The following TPD52L1 variants were observed in gnomAD, a reference collection of about 807,000 sequenced individuals.
TPD52L1 encodes TPD52 like 1, also known as tumor protein D53.
A neutral mutation model predicts 28.7 loss-of-function variants in TPD52L1; 18 were observed. The ratio of observed to expected loss-of-function variants is 0.63; its 90% confidence interval spans 0.43 to 0.93. TPD52L1 has a LOEUF of 0.93. Among genes scored for constraint, TPD52L1 ranks in the 40% least tolerant of loss-of-function variants. The pLI, the probability that TPD52L1 is intolerant of heterozygous loss-of-function variation, is 0.00. For missense variants in TPD52L1, 203 were observed against 254.8 expected (o/e 0.80, Z 1.39); for synonymous variants, 75 against 88.8 (o/e 0.84, Z 0.88).
intron 3 of TPD52L1, among the ~76,000 whole-genome samples, chr6:125,247,592 C>T (rs145496780): frequency 1.8e-4 from 28 of 152,280 alleles, no homozygotes; most frequent in African/African-American, 6.7e-4. Flanking sequence ...ACTCGTTCAT[C>T]TACTATTTAT....
chr6:125,173,371 A>G (rs1421532732), intron 1 of TPD52L1, among the ~76,000 whole-genome samples: 1 of 152,074 alleles, frequency 6.6e-6, no homozygotes, highest in Non-Finnish European at 1.5e-5. Flanking sequence ...GTAAATCTAA[A>G]TTTTTGTCTG....
intron 1 of TPD52L1, among the ~76,000 whole-genome samples, chr6:125,195,767 T>A (rs1383207562): frequency 6.6e-6 from 1 of 152,208 alleles, no homozygotes; most frequent in African/African-American, 2.4e-5. Flanking sequence ...CCAAGTGCAC[T>A]GACCCATCTT....
At chr6:125,234,495 A>G (rs898169699) in intron 3 of TPD52L1, 2 of 152,190 alleles carry the variant, frequency 1.3e-5, no homozygotes, top group African/African-American at 4.8e-5. Context: ...ACTGACGGCA[A>G]CTCAAAGATA....
Position 125,219,312 on chromosome 6 carries a change from A to G in TPD52L1, c.20-766A>G, listed in dbSNP as rs536293482. Among the ~76,000 whole-genome samples, 6 of 152,314 alleles carry G rather than the reference A, an allele frequency of 3.9e-5. No individual in the cohort carries two copies. The East Asian group carries it at 1.2e-3, about 29-fold the overall frequency. ...TATCTCACATAACAAGTTAGAAGCT[A>G]TTCTGGGTTAACCCAAGGCACAATG... On this transcript the variant is annotated intron_variant, in intron 1 of 6. Coordinates refer to ENST00000534000, the MANE Select transcript of TPD52L1 (RefSeq NM_003287.4).
intron 1 of TPD52L1, among the ~76,000 whole-genome samples, chr6:125,154,756 T>C (rs1790002806): frequency 6.6e-6 from 1 of 151,920 alleles, no homozygotes; most frequent in Non-Finnish European, 1.5e-5. Flanking sequence ...GGGGCAGAGG[T>C]GGGCGGATGT....
chr6:125,203,585 T>A (rs1289468735), intron 1 of TPD52L1: 1 of 981,396 alleles, frequency 1.0e-6, no homozygotes, highest in African/African-American at 1.7e-5. Flanking sequence ...GAGCTGTTGT[T>A]TGTCTGCATG....
At chr6:125,242,681 C>G (rs1796684215) in intron 3 of TPD52L1, among the ~76,000 whole-genome samples, 2 of 151,990 alleles carry the variant, frequency 1.3e-5, no homozygotes, top group Admixed American at 1.3e-4. Context: ...TGATGTGATT[C>G]CTTTTGTGTT....
chr6:125,224,440 C>A (rs1353917613), intron 2 of TPD52L1, among the ~76,000 whole-genome samples: 2 of 151,688 alleles, frequency 1.3e-5, no homozygotes, highest in Non-Finnish European at 2.9e-5. Flanking sequence ...CGGTGTCTTA[C>A]ACTTGCAAAG....
intron 3 of TPD52L1, among the ~76,000 whole-genome samples, chr6:125,235,541 C>T (rs1247506253): frequency 1.3e-5 from 2 of 152,186 alleles, no homozygotes; most frequent in Non-Finnish European, 2.9e-5. Context: ...ACAAGCTTGG[C>T]CTAGGCTATG....
intron 3 of TPD52L1, among the ~76,000 whole-genome samples, chr6:125,245,127 C>G (rs1796851770): frequency 6.6e-6 from 1 of 152,176 alleles, no homozygotes; most frequent in Non-Finnish European, 1.5e-5. Context: ...GTGGAGGTGG[C>G]AGGGGAGTGA....
intron 4 of TPD52L1, chr6:125,251,981 ACT>A: frequency 6.5e-7 from 1 of 1,535,598 alleles, no homozygotes; most frequent in Non-Finnish European, 8.7e-7. Context: ...CTGTTTGCTA[ACT>A]CTGCTCCTGC....
intron 1 of TPD52L1, among the ~76,000 whole-genome samples, chr6:125,187,788 A>G (rs998532065): frequency 6.6e-5 from 10 of 152,228 alleles, no homozygotes; most frequent in Non-Finnish European, 2.9e-5. Context: ...ACACATACAC[A>G]CACACATTGC....
intron 1 of TPD52L1, among the ~76,000 whole-genome samples, chr6:125,188,035 C>T (rs774975426): frequency 6.6e-5 from 10 of 151,886 alleles, no homozygotes; most frequent in South Asian, 2.1e-4. Flanking sequence ...TTGTTTTAGA[C>T]GTTTCTATTG....
intron 3 of TPD52L1, among the ~76,000 whole-genome samples, chr6:125,233,172 A>T (rs1796054743): frequency 6.6e-6 from 1 of 152,194 alleles, no homozygotes; most frequent in South Asian, 2.1e-4. Context: ...AAGTCGACAG[A>T]GGGCAGAGGT....
At chr6:125,222,943 G>A (rs1795347577) in intron 2 of TPD52L1, among the ~76,000 whole-genome samples, 1 of 152,106 alleles carries the variant, frequency 6.6e-6, no homozygotes, top group Non-Finnish European at 1.5e-5. Context: ...TCATAAACCA[G>A]CAATATATGA....
chr6:125,209,730 G>A (rs565327330), intron 1 of TPD52L1, among the ~76,000 whole-genome samples: 63 of 152,258 alleles, frequency 4.1e-4, no homozygotes, highest in Non-Finnish European at 6.8e-4. Flanking sequence ...AGAGTGAAGG[G>A]GGCTGGGCTC....
At chr6:125,193,777 T>C (rs1582900276) in intron 1 of TPD52L1, among the ~76,000 whole-genome samples, 1 of 152,142 alleles carries the variant, frequency 6.6e-6, no homozygotes, top group East Asian at 1.9e-4. Flanking sequence ...TCAGTGTTGG[T>C]AAGAGTGCAA....
intron 2 of TPD52L1, among the ~76,000 whole-genome samples, chr6:125,228,622 CT>C (rs915627208): frequency 6.6e-6 from 1 of 152,150 alleles, no homozygotes; most frequent in African/African-American, 2.4e-5. Flanking sequence ...AGGAGAATCC[CT>C]TGAGGCCAAG....
chr6:125,164,041 A>C (rs1186817501), intron 1 of TPD52L1, among the ~76,000 whole-genome samples: 1 of 152,208 alleles, frequency 6.6e-6, no homozygotes, highest in African/African-American at 2.4e-5. Context: ...ACATTCTCCA[A>C]CTCATACAAC....
Sources: allele counts gnomAD v4.1 joint callset (sites outside exome capture counted in the v4.1 genomes callset), GRCh38; gene constraint gnomAD v4.1.1; transcripts MANE v1.5; gene names NCBI Gene and HGNC (gene_info 2026-07-23, HGNC 2026-07-21).